TP53I11: variants seen among roughly 807,000 people sequenced by gnomAD.
TP53I11 encodes the protein tumor protein p53 inducible protein 11.
A neutral mutation model predicts 23.3 loss-of-function variants in TP53I11; 9 were observed. The ratio of observed to expected loss-of-function variants is 0.39; its 90% confidence interval spans 0.23 to 0.67. TP53I11 has a LOEUF of 0.67. Ranked by LOEUF, TP53I11 falls within the 30% of genes least tolerant of loss-of-function variation. The probability of loss-of-function intolerance (pLI) is 0.48; values close to 1 mark genes in which losing one functional copy is unlikely to be tolerated. For missense variants in TP53I11, 170 were observed against 255.2 expected, an observed-to-expected ratio of 0.67 and a Z score of 2.27; for synonymous variants, 100 against 106.1, an observed-to-expected ratio of 0.94 and a Z score of 0.35.
rs1347993789 is a variant in TP53I11 at position 44,935,003 on chromosome 11, G to T, written c.451C>A (p.Leu151Ile). ...AGGGACATGAGGCCCGTCTCAGCTAGCGTGGCAGTGACCACTGTGGGAGAG... is the reference window on the plus strand; with the variant it reads ...AGGGACATGAGGCCCGTCTCAGCTATCGTGGCAGTGACCACTGTGGGAGAG... ...GVQFLVVTAT[L>I]AETGLMSLGI... The change falls in exon 7 of 7, where the codon CTA becomes ATA. Residue 151 changes from leucine to isoleucine, a missense_variant. Physicochemically the swap from Leu to Ile is conservative, Grantham distance 5 (BLOSUM62 2). Transcript: ENST00000525680. 1 of 1,613,692 alleles carries T rather than the reference G, an allele frequency of 6.2e-7. No homozygotes were observed. The highest frequency in any genetic ancestry group is 8.5e-7 in the Non-Finnish European group (1 of 1,179,998).
At chr11:44,947,315 T>A in intron 1 of TP53I11, 1 of 359,606 alleles carries the variant, frequency 2.8e-6, no homozygotes. Context: ...GGGCAGCTGG[T>A]GTCGTCATCA....
At chr11:44,937,694 C>A (rs1419664463) in intron 2 of TP53I11, 81 bp from the exon 3 acceptor site, 3 of 1,485,376 alleles carry the variant, frequency 2.0e-6, no homozygotes, top group Non-Finnish European at 2.8e-6. Flanking sequence ...CAGAGCCCTG[C>A]ACACCCAGGG....
Position 44,935,564 on chromosome 11 carries a change from A to C in TP53I11, c.433T>G (p.Leu145Val). The C allele has an allele frequency of 1.9e-6, 3 of 1,614,044 alleles. No individual in the cohort carries two copies. The highest frequency in any genetic ancestry group is 2.5e-6 in the Non-Finnish European group (3 of 1,179,948). Reference sequence around the variant, plus strand: ...CACTGCCCACCTCAGGACTCACCCAAGAACTGGACCCCGAAATAGCAAGCT... The same window carrying C: ...CACTGCCCACCTCAGGACTCACCCACGAACTGGACCCCGAAATAGCAAGCT... ...TEACYFGVQF[L>V]VVTATLAETG... Residue 145 changes from leucine (L) to valine (V), a missense_variant, in exon 6 of 7, where the codon TTG becomes GTG. By Grantham distance (32) the Leu-to-Val change is conservative (BLOSUM62 1). Coordinates refer to ENST00000525680, the MANE Select transcript of TP53I11 (RefSeq NM_006034.5).
chr11:44,935,617 A>T lies in TP53I11; in HGVS notation c.380T>A (p.Val127Asp). 6.2e-7 allele frequency: 1 copy of T among 1,607,556 alleles called. No individual in the cohort carries two copies. Among genetic ancestry groups the T allele is most frequent in the Non-Finnish European group, 8.5e-7 (1 of 1,178,268 alleles). ...MWNALYTAEK[V>D]IIRWTLLTEA... The stretch of plus-strand genomic sequence containing the variant: ...GGTGAGCAGGGTCCATCGAATGATG[A>T]CCTTCTCAGCCGTGTAGAGAGCGTT... Residue 127 changes from valine (V) to aspartate (D), a missense_variant, in exon 6 of 7, where the codon GTC (valine) becomes GAC (aspartate). Transcript: ENST00000525680.
Position 44,936,448 on chromosome 11 carries a change from GTTT to G in TP53I11, c.334+352_334+354del. Reference sequence around the variant, plus strand: ...GGATAAAATAGGGGGGGTGCGAGGGGTTTTGCAGACACTGAATTGATCTGCCTC... The same window carrying G: ...GGATAAAATAGGGGGGGTGCGAGGGGTGCAGACACTGAATTGATCTGCCTC... On this transcript the variant is annotated intron_variant, in intron 5 of 6. Coordinates refer to ENST00000525680, the MANE Select transcript of TP53I11 (RefSeq NM_006034.5). The surrounding 1 kb of genome is among the most constrained non-coding windows in gnomAD (Gnocchi z 4.4). 8.1e-7 allele frequency: 1 copy of G among 1,233,494 alleles called. No homozygotes were observed. Among genetic ancestry groups the G allele is most frequent in the Non-Finnish European group, 1.0e-6 (1 of 989,596 alleles). The allele number at this position is 1,233,494 out of a possible 1,614,324, so 76.4% of individuals were successfully genotyped here.
chr11:44,941,090 G>A (rs1306527571), intron 1 of TP53I11: 1 of 152,096 alleles, frequency 6.6e-6, no homozygotes, highest in Non-Finnish European at 1.5e-5. Flanking sequence ...AGGGAGCCCG[G>A]GGCAAAAAGA....
In TP53I11 at chr11:44,934,616, C is replaced by T; in HGVS notation, c.*268G>A. 1 of 452,098 alleles carries T rather than the reference C, an allele frequency of 2.2e-6. No individual in the cohort carries two copies. The highest frequency in any genetic ancestry group is 4.1e-6 in the Non-Finnish European group (1 of 246,660). The allele number at this position is 452,098 out of a possible 1,614,324, so 28.0% of individuals were successfully genotyped here. A position where few individuals can be genotyped will look rare whatever the true frequency, so the allele number is the denominator to read the frequency against. On this transcript the variant is annotated 3_prime_UTR_variant, in exon 7 of 7. Transcript: ENST00000525680. ...TGAGGGGGTCTGGAGGCCAAGAGAC[C>T]CAAGGAAAGGAGGTATCACTGTGAG...
At chr11:44,949,533 G>A (rs1377522262) in intron 1 of TP53I11, among the ~76,000 whole-genome samples, 1 of 152,192 alleles carries the variant, frequency 6.6e-6, no homozygotes, top group African/African-American at 2.4e-5. Context: ...TCTCTCCGGC[G>A]GAGAAACCCA....
chr11:44,947,795 G>A (rs1214920715), intron 1 of TP53I11, among the ~76,000 whole-genome samples: 1 of 152,222 alleles, frequency 6.6e-6, no homozygotes, highest in East Asian at 1.9e-4. Flanking sequence ...TTCCTCATCT[G>A]TTAAATGGGG....
intron 1 of TP53I11, among the ~76,000 whole-genome samples, chr11:44,949,587 C>T (rs1862734351): frequency 6.6e-6 from 1 of 152,122 alleles, no homozygotes; most frequent in Non-Finnish European, 1.5e-5. Context: ...GAGACTGGGT[C>T]AGGGCGAAGG....
At chr11:44,937,099 G>A in intron 4 of TP53I11, 200 bp from the exon 5 acceptor site, 1 of 777,496 alleles carries the variant, frequency 1.3e-6, no homozygotes, top group Non-Finnish European at 2.1e-6. Flanking sequence ...GAAGGAGTCA[G>A]GCCACAAACC....
chr11:44,936,319 G>A lies in TP53I11; in HGVS notation c.334+484C>T. Reference sequence around the variant, plus strand: ...CATAGAATATTTCGTAGAAATAGAGGCATATTACCTATGCTGAGCTTTAAA... The same window carrying A: ...CATAGAATATTTCGTAGAAATAGAGACATATTACCTATGCTGAGCTTTAAA... On this transcript the variant is annotated intron_variant, in intron 5 of 6. Transcript: ENST00000525680. The surrounding 1 kb of genome is among the most constrained non-coding windows in gnomAD (Gnocchi z 4.4). The A allele has an allele frequency of 1.7e-6, 2 of 1,197,288 alleles. No individual in the cohort carries two copies. Among genetic ancestry groups the A allele is most frequent in the East Asian group, 7.1e-5 (2 of 28,254 alleles). 74.2% of individuals were successfully genotyped at this position (1,197,288 alleles called of 1,614,324 possible).
At chr11:44,942,188 A>G (rs1590775504) in intron 1 of TP53I11, among the ~76,000 whole-genome samples, 1 of 123,830 alleles carries the variant, frequency 8.1e-6, no homozygotes, top group South Asian at 2.6e-4. Context: ...AAACACACAC[A>G]CACCACACAT....
intron 1 of TP53I11, among the ~76,000 whole-genome samples, chr11:44,947,468 TGGGAGAGGAA>T (rs1233354560): frequency 1.3e-5 from 2 of 151,340 alleles, no homozygotes; most frequent in Non-Finnish European, 2.9e-5. Context: ...GAGAAGAGGG[TGGGAGAGGAA>T]GGGAGAGGAA....
chr11:44,946,904 C>A, intron 1 of TP53I11: 2 of 410,928 alleles, frequency 4.9e-6, no homozygotes, highest in Non-Finnish European at 9.9e-6. Context: ...ACCCCTCAGC[C>A]TGGACTGGCA....
rs1250948271 is a variant in TP53I11 at position 44,936,731 on chromosome 11, T to C, written c.334+72A>G. 1 of 1,402,832 alleles carries C rather than the reference T, an allele frequency of 7.1e-7. No homozygotes were observed. The highest frequency in any genetic ancestry group is 9.3e-7 in the Non-Finnish European group (1 of 1,072,766). The allele number at this position is 1,402,832 out of a possible 1,614,324, so 86.9% of individuals were successfully genotyped here. On this transcript the variant is annotated intron_variant, in intron 5 of 6. Coordinates refer to ENST00000525680, the MANE Select transcript of TP53I11 (RefSeq NM_006034.5). The surrounding 1 kb of genome is among the most constrained non-coding windows in gnomAD (Gnocchi z 4.4). ...AGGGGTGCCCGGGCACGGACCCCCGTGCTCTCCTCAGCCCCGCTGGGTCTC... is the reference window on the plus strand; with the variant it reads ...AGGGGTGCCCGGGCACGGACCCCCGCGCTCTCCTCAGCCCCGCTGGGTCTC...
intron 1 of TP53I11, among the ~76,000 whole-genome samples, chr11:44,947,432 C>T (rs767412654): frequency 7.9e-5 from 12 of 152,182 alleles, no homozygotes; most frequent in Non-Finnish European, 2.9e-5. Flanking sequence ...CTCCCCCACC[C>T]CGTGGCTGTT....
chr11:44,946,335 T>C (rs1325970036), intron 1 of TP53I11, among the ~76,000 whole-genome samples: 1 of 152,212 alleles, frequency 6.6e-6, no homozygotes, highest in Non-Finnish European at 1.5e-5. Context: ...AGGCCATCCC[T>C]CGAGAGCATC....
At chr11:44,945,514 C>G (rs934089817) in intron 1 of TP53I11, among the ~76,000 whole-genome samples, 1 of 151,898 alleles carries the variant, frequency 6.6e-6, no homozygotes, top group Non-Finnish European at 1.5e-5. Flanking sequence ...GTTTGGTGGA[C>G]GTGAACTGAG....
Sources: gnomAD v4.1 joint callset for allele counts (sites outside exome capture counted in the v4.1 genomes callset) on GRCh38, gnomAD v4.1.1 for gene constraint, Gnocchi (gnomAD v3.1) non-coding constraint, MANE v1.5 for transcripts, NCBI Gene and HGNC (gene_info 2026-07-23, HGNC 2026-07-21) for gene names.